ME3: variants seen among roughly 807,000 people sequenced by gnomAD.
The protein encoded by ME3 is NADP-dependent malic enzyme, mitochondrial.
In ME3, 48 loss-of-function variants were observed where a neutral mutation model predicts 68.9. The observed-to-expected ratio is 0.70, with a 90% CI of 0.55 to 0.89. The LOEUF (loss-of-function observed/expected upper bound fraction) is 0.89. Ranked by LOEUF, ME3 falls within the 40% of genes least tolerant of loss-of-function variation. ME3 has a pLI of 0.00. For missense variants in ME3, 675 were observed against 797.4 expected, an observed-to-expected ratio of 0.85 and a Z score of 1.85; for synonymous variants, 320 against 318.8, an observed-to-expected ratio of 1.00 and a Z score of -0.04.
chr11:86,449,773 C>A (rs1015911275), intron 10 of ME3, 116 bp downstream of exon 10: 2 of 712,558 alleles, frequency 2.8e-6, no homozygotes, highest in Non-Finnish European at 2.4e-6. Context: ...TAGGCCATTG[C>A]CCTCATTTTG....
At chr11:86,459,005 G>A (rs1950093010) in intron 8 of ME3, among the ~76,000 whole-genome samples, 3 of 152,184 alleles carry the variant, frequency 2.0e-5, no homozygotes, top group Non-Finnish European at 4.4e-5. Flanking sequence ...CTTCTGTAAA[G>A]TGGGTGACCA....
At chr11:86,489,254 A>G (rs1951859259) in intron 6 of ME3, 1 of 152,154 alleles carries the variant, frequency 6.6e-6, no homozygotes, top group African/African-American at 2.4e-5. Context: ...TCTCACCTCC[A>G]CCACAGCGAG....
At chr11:86,502,778 G>T (rs1014226539) in intron 5 of ME3, among the ~76,000 whole-genome samples, 1 of 152,146 alleles carries the variant, frequency 6.6e-6, no homozygotes, top group African/African-American at 2.4e-5. Flanking sequence ...GGAGGTTTGG[G>T]GGAGGCTGTG....
intron 2 of ME3, among the ~76,000 whole-genome samples, chr11:86,638,214 C>T (rs1335853061): frequency 6.6e-6 from 1 of 152,154 alleles, no homozygotes; most frequent in Non-Finnish European, 1.5e-5. Flanking sequence ...TGATTAAATA[C>T]TGCCTGTGAG....
At chr11:86,618,449 G>A (rs976724095) in intron 2 of ME3, among the ~76,000 whole-genome samples, 3 of 151,940 alleles carry the variant, frequency 2.0e-5, no homozygotes, top group Admixed American at 2.0e-4. Flanking sequence ...ATGAGATAAT[G>A]TCTGTGAAAA....
At chr11:86,512,896 A>G (rs532802390) in intron 4 of ME3, among the ~76,000 whole-genome samples, 1 of 152,350 alleles carries the variant, frequency 6.6e-6, no homozygotes, top group South Asian at 2.1e-4. Flanking sequence ...TAGAATAACC[A>G]GAGGCAGGAA....
intron 5 of ME3, among the ~76,000 whole-genome samples, chr11:86,507,719 A>G (rs1953188836): frequency 6.6e-6 from 1 of 152,232 alleles, no homozygotes; most frequent in Non-Finnish European, 1.5e-5. Flanking sequence ...ACGGTGGCTC[A>G]CGCCTGTAAT....
intron 7 of ME3, among the ~76,000 whole-genome samples, chr11:86,484,915 C>T (rs76401782): frequency 0.068 from 10,277 of 152,184 alleles, 379 homozygotes; most frequent in Non-Finnish European, 0.084. Flanking sequence ...AATACCTATC[C>T]GGTTGGCTAC....
intron 4 of ME3, among the ~76,000 whole-genome samples, chr11:86,522,192 G>C (rs542199750): frequency 1.3e-5 from 2 of 152,096 alleles, no homozygotes; most frequent in Non-Finnish European, 2.9e-5. Flanking sequence ...AGAGGTTGCA[G>C]TGAGCCAAGA....
chr11:86,622,205 G>C (rs1195261868), intron 2 of ME3, among the ~76,000 whole-genome samples: 1 of 151,990 alleles, frequency 6.6e-6, no homozygotes, highest in African/African-American at 2.4e-5. Flanking sequence ...TAAAATCTTA[G>C]ACTGCAGAGA....
chr11:86,532,759 C>A (rs1170125626), intron 4 of ME3, among the ~76,000 whole-genome samples: 3 of 152,144 alleles, frequency 2.0e-5, no homozygotes, highest in Non-Finnish European at 4.4e-5. Flanking sequence ...TAAACTCCTA[C>A]ATCAAAAAAG....
chr11:86,541,916 C>T (rs1220110658), intron 4 of ME3, among the ~76,000 whole-genome samples: 2 of 152,208 alleles, frequency 1.3e-5, no homozygotes, highest in African/African-American at 2.4e-5. Context: ...TGGCTGGCAT[C>T]TGGTGGTTGC....
chr11:86,599,594 C>G (rs552178036), intron 2 of ME3, among the ~76,000 whole-genome samples: 1 of 152,144 alleles, frequency 6.6e-6, no homozygotes, highest in Non-Finnish European at 1.5e-5. Flanking sequence ...TCAGGAAATA[C>G]AGAGAACACC....
At chr11:86,488,632 A>C (rs1296815167) in intron 6 of ME3, among the ~76,000 whole-genome samples, 1 of 151,386 alleles carries the variant, frequency 6.6e-6, no homozygotes. Context: ...GTGAATGACC[A>C]CTCCTGCTGG....
At position 86,568,799 on chromosome 11, in the gene ME3, T is replaced by G. The variant is rs1362198906; in HGVS notation, c.184-8976A>C. On this transcript the variant is annotated intron_variant, in intron 2 of 14. Coordinates refer to ENST00000543262, the Ensembl canonical transcript of ME3. ...CAGAGCCCTACTGTGTACTTGACAA[T>G]CTCTTCTCCTTCATTCAACAAACAC... 2.6e-5 allele frequency among the ~76,000 whole-genome samples: 4 copies of G among 152,202 alleles called. No homozygotes were observed. In the East Asian group the frequency reaches 7.7e-4, roughly 29 times the overall value.
chr11:86,611,818 G>A (rs1942600102), intron 2 of ME3, among the ~76,000 whole-genome samples: 1 of 152,086 alleles, frequency 6.6e-6, no homozygotes, highest in Admixed American at 6.5e-5. Context: ...GGTATTAATA[G>A]CTACCATCTG....
chr11:86,620,650 C>T (rs893228744), intron 2 of ME3, among the ~76,000 whole-genome samples: 2 of 152,164 alleles, frequency 1.3e-5, no homozygotes, highest in African/African-American at 4.8e-5. Context: ...GGGAGTTTAT[C>T]TCACATTCAT....
intron 13 of ME3, among the ~76,000 whole-genome samples, chr11:86,445,360 G>A (rs548857825): frequency 6.6e-6 from 1 of 152,356 alleles, no homozygotes; most frequent in East Asian, 1.9e-4. Flanking sequence ...GGGACCTGGT[G>A]CATGAGGTAG....
intron 2 of ME3, among the ~76,000 whole-genome samples, chr11:86,628,336 C>T (rs901281958): frequency 1.3e-5 from 2 of 152,164 alleles, no homozygotes; most frequent in African/African-American, 4.8e-5. Flanking sequence ...GGGCCCTGGT[C>T]CTGGGGCAGC....
Sources: gnomAD v4.1 joint callset for allele counts (sites outside exome capture counted in the v4.1 genomes callset) on GRCh38, gnomAD v4.1.1 for gene constraint, MANE v1.5 for transcripts, NCBI Gene and HGNC (gene_info 2026-07-23, HGNC 2026-07-21) for gene names.